The following DENND6B variants were observed in gnomAD, a reference collection of about 807,000 sequenced individuals.
DENND6B encodes protein DENND6B.
DENND6B carries 73 observed loss-of-function variants against 85.1 expected under a neutral mutation model. The ratio of observed to expected loss-of-function variants is 0.86; its 90% CI spans 0.71 to 1.04. The LOEUF (loss-of-function observed/expected upper bound fraction) is 1.04, where lower values mean the gene tolerates loss of function less well. DENND6B is among the 50% of genes least tolerant of loss of function. The probability of loss-of-function intolerance (pLI) is 0.00; values close to 1 mark genes in which losing one functional copy is unlikely to be tolerated. For synonymous variants in DENND6B, 357 were observed against 329.3 expected (o/e 1.08, Z -0.91); for missense variants, 715 against 785.8 (o/e 0.91, Z 1.08).
chr22:50,319,099 C>T (rs1346127193), intron 1 of DENND6B, 96 bp from the exon 2 acceptor site: 2 of 1,545,672 alleles, frequency 1.3e-6, no homozygotes, highest in Non-Finnish European at 1.7e-6. Flanking sequence ...CCAGCAGCTG[C>T]AGCATCTGTC....
intron 1 of DENND6B, among the ~76,000 whole-genome samples, chr22:50,321,540 T>C (rs992684528): frequency 6.6e-6 from 1 of 152,030 alleles, no homozygotes; most frequent in South Asian, 2.1e-4. Context: ...TTTTTCTATT[T>C]TTTAGTAGAG....
intron 1 of DENND6B, among the ~76,000 whole-genome samples, chr22:50,325,334 C>CTTT (rs67536916): frequency 5.7e-5 from 7 of 123,712 alleles, no homozygotes; most frequent in African/African-American, 6.8e-5. Context: ...GAGGAACCTC[C>CTTT]TTTTTTTTTT....
rs767105122 is a variant in DENND6B at position 50,319,019 on chromosome 22, G to A, written c.178-16C>T. On this transcript the variant is annotated splice_polypyrimidine_tract_variant and intron_variant, in intron 1 of 19. Transcript: ENST00000413817. The stretch of plus-strand genomic sequence containing the variant: ...GATACACCAGCTGCAGAGGAAGACA[G>A]AGTGCTTGGTGACACCATCTGTCCG... The A allele has an allele frequency of 2.5e-6, 4 of 1,589,340 alleles. No homozygotes were observed. The highest frequency in any genetic ancestry group is 2.7e-5 in the African/African-American group (2 of 74,462).
intron 4 of DENND6B, 120 bp downstream of exon 4, chr22:50,317,773 AGTGGGGCCTGGCCAG>A: frequency 1.2e-6 from 1 of 859,054 alleles, no homozygotes; most frequent in Non-Finnish European, 1.7e-6. Context: ...CTGCAGGGCC[AGTGGGGCCTGGCCAG>A]CTCCTCTCCT....
At chr22:50,314,062 C>T in intron 13 of DENND6B, 145 bp downstream of exon 13, 1 of 1,288,646 alleles carries the variant, frequency 7.8e-7, no homozygotes, top group Non-Finnish European at 1.0e-6. Flanking sequence ...GAGAGCGACC[C>T]CTCCCCAAGG....
Position 50,314,218 on chromosome 22 carries a change from T to C in DENND6B, c.1127A>G (p.Asp376Gly). 1.2e-6 allele frequency: 2 copies of C among 1,606,406 alleles called. No homozygotes were observed. The highest frequency in any genetic ancestry group is 1.7e-6 in the Non-Finnish European group (2 of 1,178,952). The change falls in exon 13 of 20, where the codon GAC becomes GGC. Residue 376 changes from aspartate (D) to glycine (G), a missense_variant. Asp to Gly is a moderately conservative substitution (Grantham distance 94). Coordinates refer to ENST00000413817, the MANE Select transcript of DENND6B (RefSeq NM_001001794.4). ...LKKPSRLKTL[D>G]TKPGLYTAYT... is the part of the protein sequence containing the mutation. Reference sequence around the variant, plus strand: ...AGGGGAGCACAGACCTGGCTTGGTGTCCAGGGTCTTCAACCTTGAAGGCTT... The same window carrying C: ...AGGGGAGCACAGACCTGGCTTGGTGCCCAGGGTCTTCAACCTTGAAGGCTT...
At position 50,313,638 on chromosome 22, in the gene DENND6B, G is replaced by C; in HGVS notation, c.1290C>G (p.Pro430=). ...LLELTQSFII[P]LEHYMASLMP... ...GTCCCCCAGCCCCGGGCCTCACCAGGGGGATGATGAAGCTCTGGGTGAGCT... is the reference window on the plus strand; with the variant it reads ...GTCCCCCAGCCCCGGGCCTCACCAGCGGGATGATGAAGCTCTGGGTGAGCT... Residue 430 remains proline, a synonymous_variant, in exon 15 of 20, where the codon CCC becomes CCG. Transcript: ENST00000413817. The C allele has an allele frequency of 3.2e-6, 5 of 1,569,138 alleles. No homozygotes were observed. Among genetic ancestry groups the C allele is most frequent in the Non-Finnish European group, 4.3e-6 (5 of 1,160,304 alleles).
At chr22:50,318,698 T>C (rs1462730119) in intron 3 of DENND6B, 149 bp downstream of exon 3, 9 of 1,161,276 alleles carry the variant, frequency 7.8e-6, no homozygotes, top group Non-Finnish European at 9.9e-6. Flanking sequence ...TCTGGGTGCC[T>C]CCACGGAGTG....
chr22:50,318,042 A>ACACGGG, intron 3 of DENND6B, 22 bp from the exon 4 acceptor site: 3 of 1,610,130 alleles, frequency 1.9e-6, no homozygotes, highest in Non-Finnish European at 2.5e-6. Context: ...CAGCCCCACC[A>ACACGGG]CACGGGTCAA....
intron 9 of DENND6B, 57 bp from the exon 10 acceptor site, chr22:50,314,978 G>A: frequency 6.3e-7 from 1 of 1,591,086 alleles, no homozygotes; most frequent in South Asian, 1.1e-5. Context: ...TCCTGGCTCT[G>A]GCCCCGCTCT....
chr22:50,324,336 ACTC>A (rs754111492), intron 1 of DENND6B, among the ~76,000 whole-genome samples: 2 of 151,904 alleles, frequency 1.3e-5, no homozygotes, highest in African/African-American at 4.8e-5. Context: ...CATAGTGTGA[ACTC>A]CTAAAGGGCA....
chr22:50,313,712 T>G lies in DENND6B; in HGVS notation c.1216A>C (p.Lys406Gln), dbSNP rs369779558. The G allele has an allele frequency of 7.5e-6, 12 of 1,602,776 alleles. No individual in the cohort carries two copies. The highest frequency in any genetic ancestry group is 6.7e-5 in the African/African-American group (5 of 74,722). Residue 406 changes from lysine to glutamine, a missense_variant, in exon 15 of 20, where the codon AAG (lysine) becomes CAG (glutamine). Coordinates refer to ENST00000413817, the MANE Select transcript of DENND6B (RefSeq NM_001001794.4). ...GCGCTCTGCACATCTGACGGCCGCT[T>G]CTTCTGCACGCCCTGCAGGGGAGAG... is the stretch of plus-strand genomic sequence containing the variant. The part of the protein sequence containing the change: ...LKRLLKGVQK[K>Q]RPSDVQSALL...
chr22:50,315,714 C>A lies in DENND6B; in HGVS notation c.758G>T (p.Arg253Met). 6.4e-7 allele frequency: 1 copy of A among 1,567,344 alleles called. No homozygotes were observed. The highest frequency in any genetic ancestry group is 1.7e-4 in the Middle Eastern group (1 of 5,920). ...LASVHELDLF[R>M]CFRPVLTHMQ... ...GTGTGCAGAACCCTAGGGGGCTCAC[C>A]TGAACAGGTCCAGCTCGTGGACGCT... The change falls in exon 9 of 20, where the codon AGG becomes ATG. Residue 253 changes from arginine to methionine, a missense_variant and splice_region_variant. By Grantham distance (91) the Arg-to-Met change is moderately conservative (BLOSUM62 -1). Transcript: ENST00000413817.
rs200413569 is a variant in DENND6B, at chr22:50,312,100, C to G, written c.*39G>C. ...ACCACTGGGGAGTGGGAGGCTCAGG[C>G]AGACCTAGGGCCCTGGGACCGTGGC... On this transcript the variant is annotated 3_prime_UTR_variant, in exon 20 of 20. Transcript: ENST00000413817. 2.5e-6 allele frequency: 4 copies of G among 1,601,530 alleles called. No homozygotes were observed. The highest frequency in any genetic ancestry group is 1.9e-4 in the Middle Eastern group (1 of 5,394).
Position 50,314,265 on chromosome 22 carries a change from C to A in DENND6B, c.1080G>T (p.Leu360=), listed in dbSNP as rs1301098398. The change falls in exon 13 of 20, where the codon CTG becomes CTT. Residue 360 remains leucine, a synonymous_variant. Transcript: ENST00000413817. The part of the protein sequence containing the change: ...RVGEPKMSGD[L]PKQVKLKKPS... The stretch of plus-strand genomic sequence containing the variant: ...GCTTTTTCAGCTTGACTTGCTTAGG[C>A]AGGTCTCCTACGAGACACGCCCGGT... 1.2e-6 allele frequency: 2 copies of A among 1,609,660 alleles called. No homozygotes were observed. The highest frequency in any genetic ancestry group is 1.7e-6 in the Non-Finnish European group (2 of 1,179,238).
At chr22:50,321,652 G>A (rs1238020702) in intron 1 of DENND6B, among the ~76,000 whole-genome samples, 1 of 152,070 alleles carries the variant, frequency 6.6e-6, no homozygotes, top group Non-Finnish European at 1.5e-5. Context: ...GTGAGCCACG[G>A]CGCCCAGCCC....
chr22:50,311,849 A>G lies in DENND6B; in HGVS notation c.*290T>C. The G allele has an allele frequency of 6.7e-6, 3 of 448,232 alleles. No homozygotes were observed. Among genetic ancestry groups the G allele is most frequent in the Non-Finnish European group, 1.2e-5 (3 of 249,016 alleles). 27.8% of individuals were successfully genotyped at this position (448,232 alleles called of 1,614,324 possible). On this transcript the variant is annotated 3_prime_UTR_variant, in exon 20 of 20. Transcript: ENST00000413817. ...GACGGTAGACGCACCCACATCAGCA[A>G]GGGCTCCCAGCCTGTCCCCGCCCCC... is the stretch of plus-strand genomic sequence containing the variant.
rs555105077 is a variant in DENND6B, at chr22:50,310,600, G to A, written c.*1539C>T. On this transcript the variant is annotated 3_prime_UTR_variant, in exon 20 of 20. Coordinates refer to ENST00000413817, the MANE Select transcript of DENND6B (RefSeq NM_001001794.4). ...CCAATGAGAACACAAACAGTACGTT[G>A]CGCTGAATGAAGGCTACATTCCTCG... 1 of 152,330 alleles carries A rather than the reference G, an allele frequency of 6.6e-6. No homozygotes were observed. Among genetic ancestry groups the A allele is most frequent in the Non-Finnish European group, 1.5e-5 (1 of 68,032 alleles). 9.4% of individuals were successfully genotyped at this position (152,330 alleles called of 1,614,324 possible).
At chr22:50,313,343 G>C in intron 16 of DENND6B, 103 bp downstream of exon 16, 3 of 1,428,106 alleles carry the variant, frequency 2.1e-6, no homozygotes, top group Non-Finnish European at 2.8e-6. Context: ...GAGGCCTGTG[G>C]CTCCTGCCCA....
Sources: gnomAD v4.1 joint callset for allele counts (sites outside exome capture counted in the v4.1 genomes callset) on GRCh38, gnomAD v4.1.1 for gene constraint, MANE v1.5 for transcripts, NCBI Gene and HGNC (gene_info 2026-07-23, HGNC 2026-07-21) for gene names.